The following ERBB4 variants were observed in gnomAD, a reference collection of about 807,000 sequenced individuals.
ERBB4 encodes receptor tyrosine-protein kinase erbB-4.
ERBB4 carries 42 observed loss-of-function variants against 158.0 expected under a neutral mutation model. The observed-to-expected ratio is 0.27, with a 90% CI of 0.21 to 0.34. The LOEUF (loss-of-function observed/expected upper bound fraction) is 0.34. ERBB4 is among the 10% of genes least tolerant of loss of function. ERBB4 has a pLI of 1.00. For missense variants in ERBB4, 1,333 were observed against 1,624.1 expected (o/e 0.82, Z 3.08); for synonymous variants, 583 against 558.7 (o/e 1.04, Z -0.61).
chr2:212,081,391 A>C (rs773833644), intron 2 of ERBB4, among the ~76,000 whole-genome samples: 5 of 152,130 alleles, frequency 3.3e-5, no homozygotes, highest in Admixed American at 2.6e-4. Flanking sequence ...ACATTAAAAA[A>C]CAAACAAGGA....
At chr2:212,123,822 T>A (rs2079835070) in intron 2 of ERBB4, among the ~76,000 whole-genome samples, 2 of 152,198 alleles carry the variant, frequency 1.3e-5, no homozygotes, top group African/African-American at 4.8e-5. Context: ...AATAATTTAC[T>A]ATCCACTAAC....
At position 212,365,786 on chromosome 2, in the gene ERBB4, A is replaced by G. The variant is rs551584872; in HGVS notation, c.82+172663T>C. Among the ~76,000 whole-genome samples the G allele has an allele frequency of 3.2e-3, 481 of 151,956 alleles. 3 individuals are homozygous for G. Among genetic ancestry groups the G allele is most frequent in the Non-Finnish European group, 5.7e-3 (386 of 67,876 alleles). On this transcript the variant is annotated intron_variant, in intron 1 of 27. Coordinates refer to ENST00000342788, the MANE Select transcript of ERBB4 (RefSeq NM_005235.3). ...ATGTTTTTAAGCTAACTAGCACACA[A>G]AGAACTACAAAAGTTCAAATTTACA...
At chr2:211,648,676 C>G (rs1444198447) in intron 16 of ERBB4, among the ~76,000 whole-genome samples, 1 of 151,726 alleles carries the variant, frequency 6.6e-6, no homozygotes, top group Non-Finnish European at 1.5e-5. Context: ...ACAACCAGAG[C>G]CAGATGATAC....
rs1491291111 is a variant in ERBB4, at chr2:211,857,175, GTT to G, written c.422-69018_422-69017del. On this transcript the variant is annotated intron_variant, in intron 3 of 27. Transcript: ENST00000342788. Reference sequence around the variant, plus strand: ...TGTGTGTGTTTGTGTGTGTGTGTGTGTTTGTGTGTCTTAGGTATTGTTTCTTT... The same window carrying G: ...TGTGTGTGTTTGTGTGTGTGTGTGTGTGTGTGTCTTAGGTATTGTTTCTTT... 4.5e-3 allele frequency among the ~76,000 whole-genome samples: 677 copies of G among 151,434 alleles called. 6 individuals are homozygous for G. Among genetic ancestry groups the G allele is most frequent in the African/African-American group, 0.015 (631 of 41,026 alleles).
At position 211,406,126 on chromosome 2, in the gene ERBB4, G is replaced by C. The variant is rs548284523; in HGVS notation, c.3135+14315C>G. 4.6e-5 allele frequency among the ~76,000 whole-genome samples: 7 copies of C among 152,238 alleles called. No homozygotes were observed. The South Asian group carries it at 1.5e-3, about 32-fold the overall frequency. ...CCAGGTCTGACTTTGCCATGCCCCT[G>C]CTTAAAAACCCTTATTTGCTCAAAT... On this transcript the variant is annotated intron_variant, in intron 25 of 27. Coordinates refer to ENST00000342788, the MANE Select transcript of ERBB4 (RefSeq NM_005235.3).
intron 1 of ERBB4, among the ~76,000 whole-genome samples, chr2:212,276,284 A>C (rs1341971439): frequency 6.6e-6 from 1 of 151,782 alleles, no homozygotes; most frequent in Non-Finnish European, 1.5e-5. Context: ...CACTTTAGAT[A>C]TCTGTTCATA....
chr2:212,307,876 G>A, intron 1 of ERBB4, among the ~76,000 whole-genome samples: 1 of 150,634 alleles, frequency 6.6e-6, no homozygotes, highest in Non-Finnish European at 1.5e-5. Flanking sequence ...AGTTCTCTAG[G>A]AGCAGCCAAA....
intron 1 of ERBB4, among the ~76,000 whole-genome samples, chr2:212,367,107 A>G (rs1013146577): frequency 6.6e-6 from 1 of 152,036 alleles, no homozygotes; most frequent in African/African-American, 2.4e-5. Flanking sequence ...CTGTCCCAGC[A>G]TGCAGAGAAG....
chr2:212,098,914 G>A (rs1051757840), intron 2 of ERBB4, among the ~76,000 whole-genome samples: 4 of 151,934 alleles, frequency 2.6e-5, no homozygotes, highest in East Asian at 1.9e-4. Flanking sequence ...GTGGGAAACC[G>A]CTTTCTAACA....
At chr2:212,521,633 ACC>A (rs1420136732) in intron 1 of ERBB4, among the ~76,000 whole-genome samples, 86 of 144,474 alleles carry the variant, frequency 6.0e-4, no homozygotes, top group African/African-American at 2.2e-3. Flanking sequence ...CTTACTATGT[ACC>A]TGATGCTATT....
At chr2:211,808,789 C>G (rs887031908) in intron 3 of ERBB4, among the ~76,000 whole-genome samples, 1 of 152,088 alleles carries the variant, frequency 6.6e-6, no homozygotes, top group Admixed American at 6.6e-5. Flanking sequence ...TTGTTTGTAT[C>G]CTCTTTTATT....
rs1005195702 is a variant in ERBB4 at position 211,381,406 on chromosome 2, A to G, written c.*2209T>C. Reference sequence around the variant, plus strand: ...ATTATTGAAATTATCCTGTTTGTCAACATCAACAATTTGAAGGATGTTTAA... The same window carrying G: ...ATTATTGAAATTATCCTGTTTGTCAGCATCAACAATTTGAAGGATGTTTAA... On this transcript the variant is annotated 3_prime_UTR_variant, in exon 28 of 28. Transcript: ENST00000342788. The G allele has an allele frequency of 4.3e-6, 1 of 232,124 alleles. No homozygotes were observed. Among genetic ancestry groups the G allele is most frequent in the African/African-American group, 2.2e-5 (1 of 45,302 alleles). The allele number at this position is 232,124 out of a possible 1,614,324, so 14.4% of individuals were successfully genotyped here. A position where few individuals can be genotyped will look rare whatever the true frequency, so the allele number is the denominator to read the frequency against.
intron 19 of ERBB4, among the ~76,000 whole-genome samples, chr2:211,591,961 C>A (rs945304538): frequency 6.6e-6 from 1 of 152,144 alleles, no homozygotes; most frequent in Non-Finnish European, 1.5e-5. Flanking sequence ...CTCTTTGAGA[C>A]GAATTAAGAG....
intron 1 of ERBB4, among the ~76,000 whole-genome samples, chr2:212,428,469 A>G (rs1219295219): frequency 6.6e-6 from 1 of 152,128 alleles, no homozygotes; most frequent in Non-Finnish European, 1.5e-5. Context: ...TGAAAAAGTC[A>G]AATTCATAGA....
chr2:212,215,771 T>G (rs1025769672), intron 1 of ERBB4, among the ~76,000 whole-genome samples: 1 of 151,424 alleles, frequency 6.6e-6, no homozygotes, highest in African/African-American at 2.4e-5. Flanking sequence ...ATTATAATTA[T>G]CTAACATTTA....
intron 20 of ERBB4, among the ~76,000 whole-genome samples, chr2:211,494,967 T>A (rs993435511): frequency 6.6e-6 from 1 of 152,266 alleles, no homozygotes; most frequent in South Asian, 2.1e-4. Context: ...GCTGGTTATA[T>A]AGAATTTTTA....
intron 3 of ERBB4, among the ~76,000 whole-genome samples, chr2:211,878,510 G>A (rs1575301753): frequency 1.3e-5 from 2 of 151,946 alleles, no homozygotes; most frequent in African/African-American, 4.8e-5. Flanking sequence ...AAGTCTAATT[G>A]TTAAAATTCC....
chr2:211,641,528 T>C (rs950811373), intron 16 of ERBB4, among the ~76,000 whole-genome samples: 1 of 152,166 alleles, frequency 6.6e-6, no homozygotes, highest in African/African-American at 2.4e-5. Context: ...TGCTAATTCT[T>C]GTGCCTTAAT....
chr2:211,941,910 T>C (rs1291538365), intron 3 of ERBB4, among the ~76,000 whole-genome samples: 2 of 152,142 alleles, frequency 1.3e-5, no homozygotes, highest in Admixed American at 1.3e-4. Context: ...GATGCTTTAA[T>C]TGACAAGTTC....
Sources: allele counts gnomAD v4.1 joint callset (sites outside exome capture counted in the v4.1 genomes callset), GRCh38; gene constraint gnomAD v4.1.1; transcripts MANE v1.5; gene names NCBI Gene and HGNC (gene_info 2026-07-23, HGNC 2026-07-21).